MACROD2: variants seen among roughly 807,000 people sequenced by gnomAD.
The protein encoded by MACROD2 is ADP-ribose glycohydrolase MACROD2.
A neutral mutation model predicts 70.4 loss-of-function variants in MACROD2; 36 were observed. The ratio of observed to expected loss-of-function variants is 0.51; its 90% CI spans 0.39 to 0.68. MACROD2 has a LOEUF of 0.68. MACROD2 is among the 30% of genes least tolerant of loss of function. MACROD2 has a pLI of 0.00. For missense variants in MACROD2, 496 were observed against 538.4 expected (o/e 0.92, Z 0.78); for synonymous variants, 172 against 178.8 (o/e 0.96, Z 0.30).
intron 3 of MACROD2, among the ~76,000 whole-genome samples, chr20:14,455,225 A>T (rs1007238053): frequency 2.0e-5 from 3 of 151,918 alleles, no homozygotes; most frequent in Non-Finnish European, 4.4e-5. Flanking sequence ...TAACATGGGA[A>T]TTCAGTATCT....
chr20:14,777,079 AT>A (rs752239736), intron 5 of MACROD2, among the ~76,000 whole-genome samples: 3 of 152,046 alleles, frequency 2.0e-5, no homozygotes, highest in Non-Finnish European at 4.4e-5. Context: ...CGGGCATTTG[AT>A]TAGCTTCCAG....
At chr20:14,793,583 G>A (rs774794377) in intron 5 of MACROD2, among the ~76,000 whole-genome samples, 1 of 151,976 alleles carries the variant, frequency 6.6e-6, no homozygotes, top group African/African-American at 2.4e-5. Flanking sequence ...ATTATACCGG[G>A]GTTGGAAAGC....
intron 4 of MACROD2, among the ~76,000 whole-genome samples, chr20:14,662,938 C>G (rs1035514583): frequency 6.6e-6 from 1 of 151,934 alleles, no homozygotes; most frequent in Non-Finnish European, 1.5e-5. Flanking sequence ...TCCTCAAAGA[C>G]CTAAAAACAG....
At chr20:14,301,734 C>A (rs1316861573) in intron 3 of MACROD2, among the ~76,000 whole-genome samples, 1 of 152,122 alleles carries the variant, frequency 6.6e-6, no homozygotes, top group Non-Finnish European at 1.5e-5. Flanking sequence ...TAAAGCATTA[C>A]ATTTTTTTTA....
At chr20:15,363,435 C>T (rs2078376034) in intron 6 of MACROD2, among the ~76,000 whole-genome samples, 2 of 152,190 alleles carry the variant, frequency 1.3e-5, no homozygotes, top group Non-Finnish European at 2.9e-5. Context: ...TTTCGAAAGG[C>T]ACCATGGCAA....
chr20:14,558,003 T>C (rs1474865428), intron 4 of MACROD2, among the ~76,000 whole-genome samples: 2 of 151,682 alleles, frequency 1.3e-5, no homozygotes, highest in East Asian at 3.9e-4. Context: ...ATAAACAAAA[T>C]ATATCCATAA....
chr20:15,251,137 C>T (rs1432261670), intron 6 of MACROD2, among the ~76,000 whole-genome samples: 3 of 151,590 alleles, frequency 2.0e-5, no homozygotes, highest in South Asian at 2.1e-4. Context: ...TTTAGGTTTC[C>T]GAAAAAAGGG....
At chr20:14,303,585 C>G (rs1428576839) in intron 3 of MACROD2, among the ~76,000 whole-genome samples, 1 of 152,160 alleles carries the variant, frequency 6.6e-6, no homozygotes, top group Non-Finnish European at 1.5e-5. Context: ...TTACTGATTA[C>G]CCTCTTTCTG....
At chr20:15,003,981 G>T (rs2075016095) in intron 5 of MACROD2, among the ~76,000 whole-genome samples, 1 of 152,048 alleles carries the variant, frequency 6.6e-6, no homozygotes. Context: ...AAGGTGTTCA[G>T]CATGTAGATG....
chr20:15,668,073 A>G (rs2146830590), intron 8 of MACROD2, among the ~76,000 whole-genome samples: 1 of 152,046 alleles, frequency 6.6e-6, no homozygotes, highest in East Asian at 1.9e-4. Flanking sequence ...CAGCCTGGCC[A>G]ACTTGGTGAA....
At chr20:15,755,274 C>A (rs1407826736) in intron 8 of MACROD2, among the ~76,000 whole-genome samples, 1 of 152,168 alleles carries the variant, frequency 6.6e-6, no homozygotes, top group African/African-American at 2.4e-5. Flanking sequence ...CATCAGAATT[C>A]CCCATGGTGC....
intron 8 of MACROD2, among the ~76,000 whole-genome samples, chr20:15,829,026 A>G (rs1046348940): frequency 1.8e-4 from 28 of 152,332 alleles, no homozygotes; most frequent in African/African-American, 6.3e-4. Flanking sequence ...ATGATGTTCA[A>G]TAATTATTCA....
chr20:15,778,311 T>C (rs1232963845), intron 8 of MACROD2, among the ~76,000 whole-genome samples: 2 of 152,160 alleles, frequency 1.3e-5, no homozygotes, highest in Non-Finnish European at 2.9e-5. Context: ...AAGCCAACTT[T>C]GTGTGCATTT....
chr20:15,259,933 A>G (rs2077233422), intron 6 of MACROD2, among the ~76,000 whole-genome samples: 1 of 151,938 alleles, frequency 6.6e-6, no homozygotes, highest in Admixed American at 6.6e-5. Flanking sequence ...ATGGAATAGA[A>G]TGAAATGGAA....
At chr20:15,260,254 C>G (rs2077236805) in intron 6 of MACROD2, among the ~76,000 whole-genome samples, 1 of 151,106 alleles carries the variant, frequency 6.6e-6, no homozygotes, top group African/African-American at 2.4e-5. Context: ...TACTTTTGTG[C>G]CCATTAACCA....
intron 2 of MACROD2, among the ~76,000 whole-genome samples, chr20:14,045,848 G>A (rs971694650): frequency 3.9e-5 from 6 of 152,162 alleles, no homozygotes; most frequent in African/African-American, 1.4e-4. Context: ...AGAATCTAAA[G>A]CAGTTGTAGA....
At chr20:15,608,565 G>A (rs1394453271) in intron 8 of MACROD2, among the ~76,000 whole-genome samples, 1 of 152,146 alleles carries the variant, frequency 6.6e-6, no homozygotes, top group Non-Finnish European at 1.5e-5. Context: ...CAACCACTAA[G>A]TGACCCACAG....
chr20:15,449,982 G>A (rs2146391266), intron 7 of MACROD2, among the ~76,000 whole-genome samples: 1 of 152,238 alleles, frequency 6.6e-6, no homozygotes. Context: ...GTGACAGAGT[G>A]AGACTCCGTC....
At chr20:14,424,298 C>A (rs1225292448) in intron 3 of MACROD2, among the ~76,000 whole-genome samples, 1 of 151,076 alleles carries the variant, frequency 6.6e-6, no homozygotes, top group Non-Finnish European at 1.5e-5. Context: ...ATATTTTTAC[C>A]TCTTACTCTT....
Sources: gnomAD v4.1 joint callset for allele counts (sites outside exome capture counted in the v4.1 genomes callset) on GRCh38, gnomAD v4.1.1 for gene constraint, MANE v1.5 for transcripts, NCBI Gene and HGNC (gene_info 2026-07-23, HGNC 2026-07-21) for gene names.